Variants in REL observed in about 807,000 individuals in gnomAD.
REL encodes the protein proto-oncogene c-Rel.
Under a neutral mutation model 45.9 loss-of-function variants are expected in REL, and 15 were observed. The ratio of observed to expected loss-of-function variants is 0.33; its 90% CI spans 0.22 to 0.50. The LOEUF (loss-of-function observed/expected upper bound fraction) is 0.50. REL is among the 20% of genes least tolerant of loss of function. REL has a pLI of 0.98. For synonymous variants in REL, 239 were observed against 242.1 expected, an observed-to-expected ratio of 0.99 and a Z score of 0.12; for missense variants, 601 against 715.2, an observed-to-expected ratio of 0.84 and a Z score of 1.82.
chr2:60,906,622 T>C (rs1673658386), intron 4 of REL, among the ~76,000 whole-genome samples: 1 of 152,088 alleles, frequency 6.6e-6, no homozygotes, highest in Admixed American at 6.6e-5. Context: ...CACATGCACT[T>C]ACTTGTTTTT....
chr2:60,919,367 T>G (rs1290929300), intron 7 of REL, among the ~76,000 whole-genome samples: 1 of 152,032 alleles, frequency 6.6e-6, no homozygotes, highest in Non-Finnish European at 1.5e-5. Flanking sequence ...CGTGAGTACC[T>G]GGGACTATAG....
intron 4 of REL, among the ~76,000 whole-genome samples, chr2:60,911,735 T>C (rs144743937): frequency 0.014 from 2,141 of 152,104 alleles, 48 homozygotes; most frequent in Middle Eastern, 0.017. Context: ...GCGTGGTAGC[T>C]CACACCTGTA....
Position 60,922,079 on chromosome 2 carries a change from CAT to C in REL, c.1310_1311del (p.Ile437SerfsTer18). 6.2e-7 allele frequency: 1 copy of C among 1,614,158 alleles called. No homozygotes were observed. The highest frequency in any genetic ancestry group is 1.3e-5 in the African/African-American group (1 of 75,040). On this transcript the variant is annotated frameshift_variant, in exon 10 of 10. Coordinates refer to ENST00000394479, the MANE Select transcript of REL (RefSeq NM_001291746.2). LOFTEE classifies it high-confidence loss of function. ...CTTGCATTTACAACAATGCCGATGA[CAT>C]AGTCGGAATGGAAGCGTCATCCATG... ...NACIYNNADD[I>X]VGMEASSMPS...
intron 4 of REL, among the ~76,000 whole-genome samples, chr2:60,906,115 A>G (rs772357834): frequency 1.3e-5 from 2 of 152,196 alleles, no homozygotes; most frequent in Non-Finnish European, 2.9e-5. Flanking sequence ...TGATAAAACC[A>G]TCATATCTTG....
At chr2:60,886,372 A>G (rs929673488) in intron 1 of REL, among the ~76,000 whole-genome samples, 1 of 152,142 alleles carries the variant, frequency 6.6e-6, no homozygotes, top group Non-Finnish European at 1.5e-5. Context: ...ATTAAGTTGC[A>G]TTTATTTTAG....
chr2:60,908,096 A>G (rs1051748918), intron 4 of REL, among the ~76,000 whole-genome samples: 4 of 152,090 alleles, frequency 2.6e-5, no homozygotes, highest in African/African-American at 9.7e-5. Flanking sequence ...CTTCCTAATT[A>G]TACGGTATAC....
At chr2:60,902,156 T>A (rs1431797864) in intron 4 of REL, among the ~76,000 whole-genome samples, 1 of 152,252 alleles carries the variant, frequency 6.6e-6, no homozygotes, top group African/African-American at 2.4e-5. Flanking sequence ...ATTTGAGACA[T>A]CCTTATACTG....
rs1045553968 is a variant in REL, at chr2:60,928,305, C to T, written c.*5770C>T. 2.0e-5 allele frequency: 3 copies of T among 152,820 alleles called. No individual in the cohort carries two copies. The highest frequency in any genetic ancestry group is 7.3e-5 in the African/African-American group (3 of 41,354). 9.5% of individuals were successfully genotyped at this position (152,820 alleles called of 1,614,324 possible). ...ATCAAGCTACCAATGCCTTTCTTCA[C>T]AGAATTGGAAAAAACTACTTTAAAG... is the stretch of plus-strand genomic sequence containing the variant. On this transcript the variant is annotated 3_prime_UTR_variant, in exon 10 of 10. Coordinates refer to ENST00000394479, the MANE Select transcript of REL (RefSeq NM_001291746.2).
chr2:60,908,644 C>T (rs985823971), intron 4 of REL, among the ~76,000 whole-genome samples: 5 of 152,120 alleles, frequency 3.3e-5, no homozygotes, highest in African/African-American at 1.2e-4. Flanking sequence ...TAGTTATGTA[C>T]TTTGGTAATG....
chr2:60,927,653 G>A lies in REL; in HGVS notation c.*5118G>A, dbSNP rs1395542265. ...GAATGTCCAATGTGCAAAGCACGAT[G>A]TTGGAAATTATACAGAGGTGAATAA... On this transcript the variant is annotated 3_prime_UTR_variant, in exon 10 of 10. Coordinates refer to ENST00000394479, the MANE Select transcript of REL (RefSeq NM_001291746.2). 8.7e-6 allele frequency: 2 copies of A among 229,980 alleles called. No homozygotes were observed. Among genetic ancestry groups the A allele is most frequent in the Non-Finnish European group, 1.7e-5 (2 of 116,036 alleles). 14.2% of individuals were successfully genotyped at this position (229,980 alleles called of 1,614,324 possible). A position where few individuals can be genotyped will look rare whatever the true frequency, so the allele number is the denominator to read the frequency against.
intron 4 of REL, among the ~76,000 whole-genome samples, chr2:60,908,041 G>A (rs1385976123): frequency 2.6e-5 from 4 of 152,000 alleles, no homozygotes. Context: ...CCTTACCTGA[G>A]ATGCCCTGAA....
intron 4 of REL, among the ~76,000 whole-genome samples, chr2:60,904,552 CAA>C (rs1673590199): frequency 6.7e-6 from 1 of 149,062 alleles, no homozygotes; most frequent in African/African-American, 2.5e-5. Context: ...ACCTGGGCAA[CAA>C]GAGTGAAACT....
intron 3 of REL, among the ~76,000 whole-genome samples, chr2:60,897,756 G>T (rs1673387697): frequency 6.6e-6 from 1 of 151,896 alleles, no homozygotes; most frequent in South Asian, 2.1e-4. Flanking sequence ...GCGGGGCACA[G>T]TGGCCCATGC....
intron 1 of REL, among the ~76,000 whole-genome samples, chr2:60,888,305 T>C (rs534669226): frequency 2.0e-5 from 3 of 152,306 alleles, no homozygotes; most frequent in East Asian, 1.9e-4. Context: ...TAAACACTTA[T>C]CATTAACGAT....
intron 3 of REL, 43 bp from the exon 4 acceptor site, chr2:60,900,949 T>C: frequency 1.3e-6 from 2 of 1,510,452 alleles, no homozygotes; most frequent in Non-Finnish European, 1.8e-6. Context: ...CAATATTCCT[T>C]GTGTTTATAA....
At chr2:60,895,328 T>C (rs1460160272) in intron 3 of REL, among the ~76,000 whole-genome samples, 1 of 152,010 alleles carries the variant, frequency 6.6e-6, no homozygotes, top group Non-Finnish European at 1.5e-5. Flanking sequence ...ACTGCAGGCA[T>C]GTACCACCAT....
rs765013757 is a variant in REL, at chr2:60,921,852, C to A, written c.1081C>A (p.Pro361Thr). 17 of 1,614,022 alleles carry A rather than the reference C, an allele frequency of 1.1e-5. No homozygotes were observed. The highest frequency in any genetic ancestry group is 4.0e-5 in the African/African-American group (3 of 74,920). ...QAESYYPSPG[P>T]ISSGLSHHAS... is the part of the protein sequence containing the mutation. The stretch of plus-strand genomic sequence containing the variant: ...AGAATCCTACTATCCCTCACCTGGG[C>A]CCATCTCAAGTGGATTGTCACATCA... Residue 361 changes from proline to threonine, a missense_variant, in exon 10 of 10, where the codon CCC (proline) becomes ACC (threonine). Pro to Thr is a conservative substitution (Grantham distance 38). Coordinates refer to ENST00000394479, the MANE Select transcript of REL (RefSeq NM_001291746.2).
chr2:60,894,856 T>G (rs1170088746), intron 3 of REL, among the ~76,000 whole-genome samples: 1 of 148,616 alleles, frequency 6.7e-6, no homozygotes, highest in Non-Finnish European at 1.5e-5. Flanking sequence ...TCTGTCTTTT[T>G]TTTTTTTTTT....
chr2:60,889,515 C>T (rs567566663), intron 1 of REL, among the ~76,000 whole-genome samples: 8 of 152,148 alleles, frequency 5.3e-5, no homozygotes, highest in South Asian at 2.1e-4. Flanking sequence ...ACACATCGTG[C>T]GGCTTTGTTA....
Sources: gnomAD v4.1 joint callset for allele counts (sites outside exome capture counted in the v4.1 genomes callset) on GRCh38, gnomAD v4.1.1 for gene constraint, MANE v1.5 for transcripts, NCBI Gene and HGNC (gene_info 2026-07-23, HGNC 2026-07-21) for gene names.